Variants in SDHAF3 observed in about 807,000 individuals in gnomAD.
The protein encoded by SDHAF3 is succinate dehydrogenase complex assembly factor 3.
Under a neutral mutation model 11.5 loss-of-function variants are expected in SDHAF3, and 18 were observed. The ratio of observed to expected loss-of-function variants is 1.56; its 90% CI spans 1.08 to 2.32. The LOEUF is 2.32. Among genes scored for constraint, SDHAF3 ranks in the 30% most tolerant of loss-of-function variants. The pLI, the probability that SDHAF3 is intolerant of heterozygous loss-of-function variation, is 0.00. For synonymous variants in SDHAF3, 72 were observed against 59.3 expected (o/e 1.21, Z -0.99); for missense variants, 200 against 154.4 (o/e 1.30, Z -1.57).
chr7:97,172,968 G>A (rs1298558821), intron 1 of SDHAF3, among the ~76,000 whole-genome samples: 4 of 152,322 alleles, frequency 2.6e-5, no homozygotes, highest in Non-Finnish European at 4.4e-5. Flanking sequence ...ATGGTTTTGG[G>A]ATGAAATGGC....
chr7:97,133,958 T>G (rs1791708206), intron 1 of SDHAF3, among the ~76,000 whole-genome samples: 2 of 152,350 alleles, frequency 1.3e-5, no homozygotes, highest in East Asian at 1.9e-4. Context: ...AATATTATTG[T>G]ACATGTCATA....
At chr7:97,136,363 C>T (rs1791769927) in intron 1 of SDHAF3, 2 of 594,186 alleles carry the variant, frequency 3.4e-6, no homozygotes, top group Non-Finnish European at 6.2e-6. Context: ...CCTGTATTTG[C>T]ATAAATCAAA....
At chr7:97,170,831 AG>A (rs2115738564) in intron 1 of SDHAF3, among the ~76,000 whole-genome samples, 1 of 152,226 alleles carries the variant, frequency 6.6e-6, no homozygotes, top group Admixed American at 6.5e-5. Flanking sequence ...TAGTGACACT[AG>A]TGTTACTTTC....
intron 1 of SDHAF3, among the ~76,000 whole-genome samples, chr7:97,137,507 T>C (rs886655754): frequency 6.6e-6 from 1 of 152,214 alleles, no homozygotes; most frequent in African/African-American, 2.4e-5. Context: ...CCTTGAACTA[T>C]GTGAGGGTGT....
intron 1 of SDHAF3, among the ~76,000 whole-genome samples, chr7:97,123,299 T>A (rs1791528194): frequency 6.6e-6 from 1 of 152,202 alleles, no homozygotes; most frequent in South Asian, 2.1e-4. Context: ...TCCAGCTTCA[T>A]CCATGTCCCA....
chr7:97,135,325 A>G (rs902101843), intron 1 of SDHAF3: 2 of 152,172 alleles, frequency 1.3e-5, no homozygotes, highest in Non-Finnish European at 2.9e-5. Context: ...GTTTGTGGAC[A>G]TTAGGATCCT....
chr7:97,167,053 T>TTTTTTC (rs1370660256), intron 1 of SDHAF3, among the ~76,000 whole-genome samples: 11 of 151,662 alleles, frequency 7.3e-5, no homozygotes, highest in African/African-American at 2.7e-4. Flanking sequence ...GATTTTTTTT[T>TTTTTTC]TTTTCTTTTC....
intron 1 of SDHAF3, among the ~76,000 whole-genome samples, chr7:97,141,294 T>G (rs1454408209): frequency 1.3e-5 from 2 of 152,178 alleles, no homozygotes; most frequent in African/African-American, 4.8e-5. Flanking sequence ...CCTCCATTTA[T>G]CTTGTGATAT....
intron 1 of SDHAF3, among the ~76,000 whole-genome samples, chr7:97,151,681 A>G (rs1364620701): frequency 6.6e-6 from 1 of 151,834 alleles, no homozygotes; most frequent in Non-Finnish European, 1.5e-5. Context: ...TTGTATTTTT[A>G]GTAGAGACGG....
rs917954470 is a variant in SDHAF3 at position 97,117,958 on chromosome 7, T to C, written c.174+61T>C. 13 of 1,580,492 alleles carry C rather than the reference T, an allele frequency of 8.2e-6. No homozygotes were observed. The Admixed American group carries it at 1.7e-4, about 21-fold the overall frequency. On this transcript the variant is annotated intron_variant, in intron 1 of 1. Transcript: ENST00000432641. The stretch of plus-strand genomic sequence containing the variant: ...TGGGGTTCCTCGGTGTCCAGGTTTC[T>C]AGTTCCAGTCCCCCATGCGGGGTTA...
At position 97,181,219 on chromosome 7, in the gene SDHAF3, A is replaced by G; in HGVS notation, c.*4A>G. The G allele has an allele frequency of 1.2e-6, 2 of 1,602,180 alleles. No homozygotes were observed. The highest frequency in any genetic ancestry group is 1.7e-6 in the Non-Finnish European group (2 of 1,175,976). On this transcript the variant is annotated 3_prime_UTR_variant, in exon 2 of 2. Coordinates refer to ENST00000432641, the MANE Select transcript of SDHAF3 (RefSeq NM_020186.3). ...GTCTATGAAACCAAAATTTTAGTCT[A>G]TACAACAAAGCTTAATAAGACATGC... is the stretch of plus-strand genomic sequence containing the variant.
intron 1 of SDHAF3, among the ~76,000 whole-genome samples, chr7:97,141,917 T>C (rs1371470730): frequency 6.6e-6 from 1 of 152,062 alleles, no homozygotes; most frequent in African/African-American, 2.4e-5. Flanking sequence ...TATGTTTTAA[T>C]AGATGTTCAG....
intron 1 of SDHAF3, among the ~76,000 whole-genome samples, chr7:97,122,519 T>C (rs77297230): frequency 6.6e-6 from 1 of 151,820 alleles, no homozygotes; most frequent in Admixed American, 6.6e-5. Flanking sequence ...TTTTTTTTTT[T>C]CTTTTAAAGT....
intron 1 of SDHAF3, among the ~76,000 whole-genome samples, chr7:97,178,591 T>C (rs1789725570): frequency 6.6e-6 from 1 of 152,200 alleles, no homozygotes; most frequent in African/African-American, 2.4e-5. Flanking sequence ...ATTGTGGTTT[T>C]GATTTACATT....
intron 1 of SDHAF3, among the ~76,000 whole-genome samples, chr7:97,133,114 A>G (rs2115641714): frequency 6.6e-6 from 1 of 152,278 alleles, no homozygotes; most frequent in Middle Eastern, 3.4e-3. Flanking sequence ...TAGATTTTAG[A>G]AAGTGAAGAA....
At chr7:97,135,985 G>A (rs1167721490) in intron 1 of SDHAF3, among the ~76,000 whole-genome samples, 2 of 151,464 alleles carry the variant, frequency 1.3e-5, no homozygotes, top group Non-Finnish European at 2.9e-5. Flanking sequence ...CCATGCCCGG[G>A]CTAGTCCCTG....
At chr7:97,157,715 C>T (rs960768257) in intron 1 of SDHAF3, among the ~76,000 whole-genome samples, 7 of 152,050 alleles carry the variant, frequency 4.6e-5, no homozygotes, top group Non-Finnish European at 1.0e-4. Flanking sequence ...TTGGAACCAA[C>T]CCAAATGTCC....
intron 1 of SDHAF3, among the ~76,000 whole-genome samples, chr7:97,140,462 C>T (rs1460064696): frequency 1.3e-5 from 2 of 151,256 alleles, no homozygotes; most frequent in African/African-American, 2.4e-5. Context: ...TCTCCTGCCT[C>T]AGCCTCCTGA....
intron 1 of SDHAF3, among the ~76,000 whole-genome samples, chr7:97,128,308 A>G (rs1791608023): frequency 6.6e-6 from 1 of 152,208 alleles, no homozygotes; most frequent in Admixed American, 6.5e-5. Context: ...TTGCATTATT[A>G]GTGAAGCTTT....
Sources: allele counts gnomAD v4.1 joint callset (sites outside exome capture counted in the v4.1 genomes callset), GRCh38; gene constraint gnomAD v4.1.1; transcripts MANE v1.5; gene names NCBI Gene and HGNC (gene_info 2026-07-23, HGNC 2026-07-21).